SLC26A5: variants seen among roughly 807,000 people sequenced by gnomAD.
The protein encoded by SLC26A5 is prestin.
SLC26A5 carries 51 observed loss-of-function variants against 81.0 expected under a neutral mutation model. The observed-to-expected ratio is 0.63, with a 90% CI of 0.50 to 0.80. The LOEUF (loss-of-function observed/expected upper bound fraction) is 0.80. Among genes scored for constraint, SLC26A5 ranks in the 30% least tolerant of loss-of-function variants. SLC26A5 has a pLI of 0.00. For synonymous variants in SLC26A5, 325 were observed against 332.8 expected, an observed-to-expected ratio of 0.98 and a Z score of 0.25; for missense variants, 771 against 905.8, an observed-to-expected ratio of 0.85 and a Z score of 1.91.
At chr7:103,421,111 C>A (rs1271888552) in intron 3 of SLC26A5, among the ~76,000 whole-genome samples, 1 of 152,090 alleles carries the variant, frequency 6.6e-6, no homozygotes, top group East Asian at 1.9e-4. Flanking sequence ...AATTAGAAAG[C>A]ATGTTGGTTA....
chr7:103,364,981 A>ATATATATATATATATATATTTATTTATT (rs950613120), intron 19 of SLC26A5, among the ~76,000 whole-genome samples: 3 of 140,800 alleles, frequency 2.1e-5, no homozygotes, highest in African/African-American at 7.9e-5. Flanking sequence ...ATATATATAT[A>ATATATATATATATATATATTTATTTATT]TATTTAGAGA....
In SLC26A5 at chr7:103,380,534, G is replaced by T. The variant is rs768065961; in HGVS notation, c.1530C>A (p.Val510=). 1.2e-6 allele frequency: 2 copies of T among 1,613,654 alleles called. No homozygotes were observed. The highest frequency in any genetic ancestry group is 2.2e-5 in the South Asian group (2 of 91,072). ...IYRTQSPSYK[V]LGKLPETDVY... is the part of the protein sequence containing the mutation. ...CATCAGTTTCAGGAAGCTTTCCAAG[G>T]ACTTTGTAGCTTGGACTGAAGATAA... The change falls in exon 15 of 20, where the codon GTC becomes GTA. Residue 510 remains valine (V), a synonymous_variant. Transcript: ENST00000306312.
At chr7:103,385,820 C>T (rs756682961) in intron 14 of SLC26A5, among the ~76,000 whole-genome samples, 1 of 151,566 alleles carries the variant, frequency 6.6e-6, no homozygotes, top group African/African-American at 2.4e-5. Context: ...CCCACCTCAG[C>T]CTTCCAAGTA....
At chr7:103,431,306 A>G (rs533896535) in intron 2 of SLC26A5, among the ~76,000 whole-genome samples, 1 of 148,352 alleles carries the variant, frequency 6.7e-6, no homozygotes, top group African/African-American at 2.6e-5. Context: ...TTCCTGAAGC[A>G]GCCATTTTCT....
intron 19 of SLC26A5, among the ~76,000 whole-genome samples, chr7:103,366,923 G>C (rs1820748581): frequency 6.6e-6 from 1 of 152,074 alleles, no homozygotes; most frequent in African/African-American, 2.4e-5. Context: ...TCATGTCTCA[G>C]CCTCCTGAGT....
chr7:103,375,073 A>AAT (rs1336309008), intron 19 of SLC26A5, among the ~76,000 whole-genome samples: 5 of 146,868 alleles, frequency 3.4e-5, no homozygotes, highest in African/African-American at 9.9e-5. Context: ...CACATATATA[A>AAT]ATATATATAT....
chr7:103,411,336 G>A, intron 6 of SLC26A5, 84 bp downstream of exon 6: 10 of 1,532,276 alleles, frequency 6.5e-6, no homozygotes, highest in Non-Finnish European at 8.9e-6. Flanking sequence ...CATCCACCGT[G>A]TAGTAAGACC....
At chr7:103,437,707 CACTT>C (rs1826556348) in intron 2 of SLC26A5, among the ~76,000 whole-genome samples, 1 of 152,120 alleles carries the variant, frequency 6.6e-6, no homozygotes, top group African/African-American at 2.4e-5. Context: ...CACATCATCT[CACTT>C]ACATGTGGAA....
At chr7:103,401,905 C>A (rs1173839691) in intron 8 of SLC26A5, among the ~76,000 whole-genome samples, 2 of 152,192 alleles carry the variant, frequency 1.3e-5, no homozygotes, top group Non-Finnish European at 2.9e-5. Context: ...AGGGATGAAG[C>A]TGACTTGATC....
intron 9 of SLC26A5, among the ~76,000 whole-genome samples, chr7:103,395,918 C>T (rs1359055294): frequency 1.3e-5 from 2 of 152,054 alleles, no homozygotes; most frequent in African/African-American, 2.4e-5. Flanking sequence ...GCCTTAGAAC[C>T]CATTACTAAT....
chr7:103,421,411 T>C lies in SLC26A5; in HGVS notation c.104A>G (p.Lys35Arg), dbSNP rs200754394. The change falls in exon 3 of 20, where the codon AAG (lysine) becomes AGG (arginine). Residue 35 changes from lysine to arginine, a missense_variant. Transcript: ENST00000306312. ...CGCAATGGAATCAGGAACCTTGTCC[T>C]TTGTGTGTAGTCTTTCCTGGAGGAC... is the stretch of plus-strand genomic sequence containing the variant. ...HPVLQERLHT[K>R]DKVPDSIADK... is the part of the protein sequence containing the mutation. The C allele has an allele frequency of 6.2e-6, 10 of 1,613,996 alleles. No individual in the cohort carries two copies. The highest frequency in any genetic ancestry group is 3.3e-5 in the Admixed American group (2 of 59,996).
chr7:103,414,665 T>C (rs1355246242), intron 4 of SLC26A5, among the ~76,000 whole-genome samples: 6 of 152,234 alleles, frequency 3.9e-5, no homozygotes, highest in Non-Finnish European at 7.3e-5. Flanking sequence ...ATTCATCTAC[T>C]GAAGGCCATC....
chr7:103,444,413 CA>C (rs1453248613), intron 1 of SLC26A5, among the ~76,000 whole-genome samples: 10 of 152,088 alleles, frequency 6.6e-5, no homozygotes, highest in Non-Finnish European at 8.8e-5. Context: ...ATTAAGATAC[CA>C]GGGGGCAACA....
downstream of SLC26A5, among the ~76,000 whole-genome samples, chr7:103,373,517 C>G (rs1348602176): frequency 1.3e-5 from 2 of 152,074 alleles, no homozygotes; most frequent in Admixed American, 1.3e-4. Context: ...GACCGCTGCC[C>G]CAGTCTCTTT....
chr7:103,418,353 A>G (rs1336363339), intron 4 of SLC26A5, among the ~76,000 whole-genome samples: 1 of 152,230 alleles, frequency 6.6e-6, no homozygotes, highest in Non-Finnish European at 1.5e-5. Context: ...TGAGAATTCA[A>G]CTAGGCAGAA....
chr7:103,355,579 A>T, intron 19 of SLC26A5: 1 of 754,898 alleles, frequency 1.3e-6, no homozygotes, highest in Admixed American at 2.2e-5. Context: ...AATGCACATG[A>T]TAGTCCTCAC....
At chr7:103,428,202 G>A (rs1178858187) in intron 2 of SLC26A5, among the ~76,000 whole-genome samples, 1 of 152,106 alleles carries the variant, frequency 6.6e-6, no homozygotes. Flanking sequence ...TTTTTTTAAA[G>A]CTCATGGAGT....
In SLC26A5 at chr7:103,374,261, C is replaced by A; in HGVS notation, c.*138G>T. On this transcript the variant is annotated 3_prime_UTR_variant, in exon 20 of 20. Coordinates refer to ENST00000306312, the MANE Select transcript of SLC26A5 (RefSeq NM_198999.3). ...CACAAGTACAATACATCTTGCTAGG[C>A]GTCATTCACCCTCCAAATCAAGCCT... 2 of 1,478,824 alleles carry A rather than the reference C, an allele frequency of 1.4e-6. No individual in the cohort carries two copies. Among genetic ancestry groups the A allele is most frequent in the Non-Finnish European group, 8.9e-7 (1 of 1,118,932 alleles). The allele number at this position is 1,478,824 out of a possible 1,614,324, so 91.6% of individuals were successfully genotyped here. A position where few individuals can be genotyped will look rare whatever the true frequency, so the allele number is the denominator to read the frequency against.
intron 8 of SLC26A5, among the ~76,000 whole-genome samples, chr7:103,401,207 G>T (rs1032803844): frequency 3.3e-5 from 5 of 152,172 alleles, no homozygotes; most frequent in African/African-American, 1.2e-4. Flanking sequence ...CATGAGCATG[G>T]AATGTTTTTC....
Sources: gnomAD v4.1 joint callset for allele counts (sites outside exome capture counted in the v4.1 genomes callset) on GRCh38, gnomAD v4.1.1 for gene constraint, MANE v1.5 for transcripts, NCBI Gene and HGNC (gene_info 2026-07-23, HGNC 2026-07-21) for gene names.